CNBD1: variants seen among roughly 807,000 people sequenced by gnomAD.
CNBD1 encodes the protein cyclic nucleotide binding domain containing 1, also known as cyclic nucleotide-binding domain-containing protein 1.
In CNBD1, 71 loss-of-function variants were observed where a neutral mutation model predicts 54.4. The observed-to-expected ratio is 1.30, with a 90% CI of 1.08 to 1.59. The LOEUF (loss-of-function observed/expected upper bound fraction) is 1.59, where lower values mean the gene tolerates loss of function less well. Ranked by LOEUF, CNBD1 falls within the 40% of genes most tolerant of loss-of-function variation. The pLI is 0.00. For synonymous variants in CNBD1, 182 were observed against 170.7 expected (o/e 1.07, Z -0.51); for missense variants, 659 against 518.0 (o/e 1.27, Z -2.64).
intron 4 of CNBD1, among the ~76,000 whole-genome samples, chr8:87,191,906 C>T (rs1047254811): frequency 6.6e-6 from 1 of 151,886 alleles, no homozygotes; most frequent in African/African-American, 2.4e-5. Flanking sequence ...AATCTCCTAG[C>T]GCATATATGA....
At chr8:87,355,266 C>T (rs1165059696) in intron 10 of CNBD1, among the ~76,000 whole-genome samples, 1 of 152,102 alleles carries the variant, frequency 6.6e-6, no homozygotes, top group African/African-American at 2.4e-5. Flanking sequence ...TTACTAAAAT[C>T]TCTCTGCCAC....
chr8:87,154,103 C>A (rs912232951), intron 4 of CNBD1, among the ~76,000 whole-genome samples: 3 of 152,048 alleles, frequency 2.0e-5, no homozygotes, highest in Admixed American at 6.6e-5. Context: ...GTGCATTCGT[C>A]TTTCTAGGAT....
chr8:87,000,064 G>A (rs967357604), intron 4 of CNBD1, among the ~76,000 whole-genome samples: 2 of 152,184 alleles, frequency 1.3e-5, no homozygotes, highest in Admixed American at 1.3e-4. Flanking sequence ...TTTTCCATAA[G>A]TAAAGTAATA....
chr8:87,186,687 C>A (rs554169841), intron 4 of CNBD1, among the ~76,000 whole-genome samples: 1 of 151,804 alleles, frequency 6.6e-6, no homozygotes, highest in Non-Finnish European at 1.5e-5. Context: ...TTTTAAATTT[C>A]TTTTTGAATT....
intron 2 of CNBD1, among the ~76,000 whole-genome samples, chr8:87,425,012 C>T (rs368534801): frequency 6.6e-6 from 1 of 151,942 alleles, no homozygotes; most frequent in African/African-American, 2.4e-5. Context: ...TGGAGGCTTT[C>T]CTCATTTCTT....
intron 4 of CNBD1, among the ~76,000 whole-genome samples, chr8:86,990,617 G>A (rs1202605862): frequency 6.6e-6 from 1 of 152,058 alleles, no homozygotes; most frequent in African/African-American, 2.4e-5. Flanking sequence ...TTTGAAGTCA[G>A]GTAATGTGAT....
At chr8:87,351,188 T>A (rs1810283171) in intron 8 of CNBD1, among the ~76,000 whole-genome samples, 1 of 152,216 alleles carries the variant, frequency 6.6e-6, no homozygotes, top group African/African-American at 2.4e-5. Context: ...AGGTTCAAAC[T>A]GGGCCAATGT....
intron 4 of CNBD1, among the ~76,000 whole-genome samples, chr8:87,094,775 C>T (rs1158002692): frequency 5.3e-5 from 8 of 152,156 alleles, no homozygotes; most frequent in Non-Finnish European, 7.4e-5. Flanking sequence ...CAGTGGCTCA[C>T]GCCTGTAATC....
At chr8:86,923,134 A>G (rs550822172) in intron 3 of CNBD1, among the ~76,000 whole-genome samples, 40 of 152,330 alleles carry the variant, frequency 2.6e-4, no homozygotes, top group Middle Eastern at 3.4e-3. Context: ...CAGTGATTTA[A>G]TAAAGCGAGA....
intron 3 of CNBD1, among the ~76,000 whole-genome samples, chr8:86,910,325 T>C (rs73268054): frequency 0.013 from 1,996 of 152,282 alleles, 23 homozygotes; most frequent in South Asian, 0.033. Context: ...CTCTTGGTGA[T>C]TGTGACCTTT....
chr8:86,959,256 A>G (rs896541826), intron 4 of CNBD1, among the ~76,000 whole-genome samples: 1 of 152,162 alleles, frequency 6.6e-6, no homozygotes, highest in African/African-American at 2.4e-5. Context: ...GGGTAACCCA[A>G]CCTTTCTCTC....
At chr8:87,420,471 C>G (rs893285928) in intron 2 of CNBD1, among the ~76,000 whole-genome samples, 6 of 151,994 alleles carry the variant, frequency 3.9e-5, no homozygotes, top group African/African-American at 1.2e-4. Context: ...AAAAGCATGC[C>G]TCTTTGTTGA....
At chr8:87,347,285 T>G (rs988942141) in intron 8 of CNBD1, among the ~76,000 whole-genome samples, 1 of 152,210 alleles carries the variant, frequency 6.6e-6, no homozygotes, top group Non-Finnish European at 1.5e-5. Context: ...AGCCACCATA[T>G]TCTGAGCTTT....
At chr8:87,219,795 C>T (rs1706678033) in intron 5 of CNBD1, among the ~76,000 whole-genome samples, 1 of 151,960 alleles carries the variant, frequency 6.6e-6, no homozygotes, top group Admixed American at 6.6e-5. Context: ...TTAAAATAGT[C>T]ACATGCTTAT....
chr8:87,353,567 A>G, intron 9 of CNBD1, 69 bp from the exon 10 acceptor site: 1 of 1,031,456 alleles, frequency 9.7e-7, no homozygotes, highest in Non-Finnish European at 1.4e-6. Context: ...TGAGTTTCTG[A>G]TAAAAACAAT....
At chr8:87,365,770 CTAT>C (rs1810630033) in intron 10 of CNBD1, among the ~76,000 whole-genome samples, 1 of 151,932 alleles carries the variant, frequency 6.6e-6, no homozygotes, top group Non-Finnish European at 1.5e-5. Flanking sequence ...ATGCATGCCT[CTAT>C]TAAAATATAA....
chr8:87,006,468 G>T (rs1809100194), intron 4 of CNBD1, among the ~76,000 whole-genome samples: 1 of 152,174 alleles, frequency 6.6e-6, no homozygotes. Context: ...TTATAGTTCT[G>T]CAGGCTATAC....
chr8:86,871,365 C>T (rs943548698), intron 1 of CNBD1, among the ~76,000 whole-genome samples: 4 of 152,226 alleles, frequency 2.6e-5, no homozygotes, highest in Admixed American at 2.6e-4. Flanking sequence ...CAGCATCTTT[C>T]ACAGAACTGA....
At chr8:87,426,277 T>A (rs1012246685) in intron 2 of CNBD1, among the ~76,000 whole-genome samples, 17 of 152,214 alleles carry the variant, frequency 1.1e-4, no homozygotes, top group Non-Finnish European at 1.0e-4. Flanking sequence ...ATCACCCGTC[T>A]TCTGCGTCGC....
Sources: allele counts gnomAD v4.1 joint callset (sites outside exome capture counted in the v4.1 genomes callset), GRCh38; gene constraint gnomAD v4.1.1; transcripts MANE v1.5; gene names NCBI Gene and HGNC (gene_info 2026-07-23, HGNC 2026-07-21).